Variants in SMC6 observed in about 807,000 individuals in gnomAD.
The protein encoded by SMC6 is structural maintenance of chromosomes protein 6.
In SMC6, 79 loss-of-function variants were observed where a neutral mutation model predicts 142.2. The observed-to-expected ratio is 0.56, with a 90% CI of 0.46 to 0.67. SMC6 has a LOEUF of 0.67. SMC6 is among the 30% of genes least tolerant of loss of function. The pLI is 0.00. For synonymous variants in SMC6, 411 were observed against 412.4 expected (o/e 1.00, Z 0.04); for missense variants, 1,072 against 1,284.0 (o/e 0.83, Z 2.52).
At position 17,731,113 on chromosome 2, in the gene SMC6, C is replaced by A; in HGVS notation, c.508G>T (p.Glu170Ter). 6.2e-7 allele frequency: 1 copy of A among 1,612,874 alleles called. No homozygotes were observed. Among genetic ancestry groups the A allele is most frequent in the Admixed American group, 1.7e-5 (1 of 59,794 alleles). ...TGSVVSTRKE[E>*]LIAILDHFNI... is the part of the protein sequence containing the mutation. ...AAATGATCAAGAATTGCAATCAGCT[C>A]TTCTTTCCTCGTGGAAACCACGGAG... Residue 170 changes from glutamate (E) to a stop codon, truncating the protein, a stop_gained, in exon 7 of 28, where the codon GAG becomes TAG. Coordinates refer to ENST00000448223, the MANE Select transcript of SMC6 (RefSeq NM_001142286.2). LOFTEE classifies it high-confidence loss of function.
At chr2:17,708,969 C>T (rs1295634501) in intron 16 of SMC6, among the ~76,000 whole-genome samples, 1 of 151,994 alleles carries the variant, frequency 6.6e-6, no homozygotes, top group Non-Finnish European at 1.5e-5. Flanking sequence ...ATACTATGTG[C>T]TAGGCACTGT....
At chr2:17,705,427 G>A (rs1386425689) in intron 18 of SMC6, among the ~76,000 whole-genome samples, 1 of 151,978 alleles carries the variant, frequency 6.6e-6, no homozygotes, top group Non-Finnish European at 1.5e-5. Flanking sequence ...CATTAGTTGG[G>A]CATGGTGGCA....
rs1668283843 is a variant in SMC6, at chr2:17,701,810, T to C, written c.2223+19A>G. 4 of 1,464,178 alleles carry C rather than the reference T, an allele frequency of 2.7e-6. No individual in the cohort carries two copies. Among genetic ancestry groups the C allele is most frequent in the African/African-American group, 1.4e-5 (1 of 70,192 alleles). The allele number at this position is 1,464,178 out of a possible 1,614,324, so 90.7% of individuals were successfully genotyped here. On this transcript the variant is annotated intron_variant, in intron 20 of 27. Transcript: ENST00000448223. Reference sequence around the variant, plus strand: ...TTTACCCTTTAATATTACATTTAAATTGAAAAAAAGTATTTTACCAAAGTT... The same window carrying C: ...TTTACCCTTTAATATTACATTTAAACTGAAAAAAAGTATTTTACCAAAGTT...
At chr2:17,732,314 A>G (rs1262790974) in intron 5 of SMC6, among the ~76,000 whole-genome samples, 1 of 152,248 alleles carries the variant, frequency 6.6e-6, no homozygotes, top group East Asian at 1.9e-4. Context: ...ATGGTAAAGT[A>G]GTTAACATTT....
intron 16 of SMC6, among the ~76,000 whole-genome samples, chr2:17,711,979 C>T (rs1668847986): frequency 1.3e-5 from 2 of 151,958 alleles, no homozygotes; most frequent in Admixed American, 6.6e-5. Flanking sequence ...GAAGTTATAA[C>T]AGACTATGAA....
Position 17,695,265 on chromosome 2 carries a change from T to G in SMC6, c.2565A>C (p.Pro855=), listed in dbSNP as rs1353515749. The change falls in exon 23 of 28, where the codon CCA becomes CCC. Residue 855 remains proline (P), a synonymous_variant. Coordinates refer to ENST00000448223, the MANE Select transcript of SMC6 (RefSeq NM_001142286.2). ...CAGATTTTTCTACTTCTATACGCTCTGGGCAGATTTGTCTTGCTTGTGACA... is the reference window on the plus strand; with the variant it reads ...CAGATTTTTCTACTTCTATACGCTCGGGGCAGATTTGTCTTGCTTGTGACA... ...EKMSQARQIC[P]ERIEVEKSAS... 1.9e-6 allele frequency: 3 copies of G among 1,613,240 alleles called. No individual in the cohort carries two copies. Among genetic ancestry groups the G allele is most frequent in the Non-Finnish European group, 2.5e-6 (3 of 1,179,772 alleles).
At chr2:17,720,777 C>A (rs1040892928) in intron 11 of SMC6, among the ~76,000 whole-genome samples, 163 bp downstream of exon 11, 1 of 152,164 alleles carries the variant, frequency 6.6e-6, no homozygotes, top group South Asian at 2.1e-4. Context: ...GTCACCACAA[C>A]AGGCCTTGAA....
intron 7 of SMC6, among the ~76,000 whole-genome samples, chr2:17,727,231 G>C (rs1472268370): frequency 6.6e-6 from 1 of 152,168 alleles, no homozygotes; most frequent in Non-Finnish European, 1.5e-5. Context: ...AGTGGGCTGG[G>C]AAAGGCAGAT....
At chr2:17,752,715 CT>C in intron 2 of SMC6, among the ~76,000 whole-genome samples, 1 of 152,322 alleles carries the variant, frequency 6.6e-6, no homozygotes, top group East Asian at 1.9e-4. Context: ...TGTTCCCTCT[CT>C]ACCCACACAC....
At chr2:17,725,617 G>C (rs955391491) in intron 8 of SMC6, among the ~76,000 whole-genome samples, 2 of 152,060 alleles carry the variant, frequency 1.3e-5, no homozygotes, top group Non-Finnish European at 2.9e-5. Context: ...TTCAGGGTGT[G>C]GTAATAAGCT....
At chr2:17,706,962 T>G (rs1469051477) in intron 18 of SMC6, among the ~76,000 whole-genome samples, 1 of 152,154 alleles carries the variant, frequency 6.6e-6, no homozygotes, top group East Asian at 1.9e-4. Context: ...TGAGGACAAG[T>G]AACAAATAGT....
At position 17,718,213 on chromosome 2, in the gene SMC6, T is replaced by A. The variant is rs770666623; in HGVS notation, c.956A>T (p.Asn319Ile). Residue 319 changes from asparagine to isoleucine, a missense_variant, in exon 12 of 28, where the codon AAT becomes ATT. Physicochemically the swap from Asn to Ile is moderately radical, Grantham distance 149. Transcript: ENST00000448223. ...RKMEEQQVRL[N>I]EAEQKYKDIQ... is the part of the protein sequence containing the mutation. ...ATCCTTGTACTTTTGTTCTGCCTCA[T>A]TAAGTCTGACCTTTAAGAAAATAAC... 3 of 1,598,584 alleles carry A rather than the reference T, an allele frequency of 1.9e-6. No individual in the cohort carries two copies. The highest frequency in any genetic ancestry group is 1.2e-5 in the South Asian group (1 of 86,644).
chr2:17,704,385 TAAG>T (rs1668406989), intron 18 of SMC6, among the ~76,000 whole-genome samples: 2 of 152,052 alleles, frequency 1.3e-5, no homozygotes, highest in Admixed American at 1.3e-4. Context: ...AGGACGACAA[TAAG>T]AAGATATGGA....
At chr2:17,751,299 G>A (rs1294609344) in intron 2 of SMC6, among the ~76,000 whole-genome samples, 1 of 151,842 alleles carries the variant, frequency 6.6e-6, no homozygotes, top group Non-Finnish European at 1.5e-5. Flanking sequence ...AGCCCAACGT[G>A]GTGAAACCCC....
At chr2:17,695,750 A>C (rs917368857) in intron 22 of SMC6, among the ~76,000 whole-genome samples, 2 of 152,210 alleles carry the variant, frequency 1.3e-5, no homozygotes, top group African/African-American at 4.8e-5. Flanking sequence ...TATTATTCTT[A>C]AACAAATGAG....
At chr2:17,680,168 T>A (rs1667176794) in intron 24 of SMC6, 1 of 152,236 alleles carries the variant, frequency 6.6e-6, no homozygotes, top group African/African-American at 2.4e-5. Context: ...TAAACAATTT[T>A]AAAAATTAGG....
At chr2:17,705,586 G>C (rs1019770936) in intron 18 of SMC6, among the ~76,000 whole-genome samples, 2 of 152,064 alleles carry the variant, frequency 1.3e-5, no homozygotes. Context: ...AAAAAAAATT[G>C]CCAAGTAAAC....
intron 9 of SMC6, among the ~76,000 whole-genome samples, chr2:17,723,225 C>G (rs1669459755): frequency 6.6e-6 from 1 of 152,180 alleles, no homozygotes; most frequent in South Asian, 2.1e-4. Context: ...TTAACTTAAG[C>G]CATCATCATC....
Position 17,720,980 on chromosome 2 carries a change from T to C in SMC6, c.905A>G (p.Asp302Gly), listed in dbSNP as rs1669338619. The C allele has an allele frequency of 6.2e-7, 1 of 1,613,732 alleles. No individual in the cohort carries two copies. Among genetic ancestry groups the C allele is most frequent in the East Asian group, 2.2e-5 (1 of 44,828 alleles). ...TTTCCTGTCAAGTCTAGCAGCACGA[T>C]CTTCTCCAATTTTGATATTATCTCT... ...AIRDNIKIGE[D>G]RAARLDRKME... The change falls in exon 11 of 28, where the codon GAT becomes GGT. Residue 302 changes from aspartate to glycine, a missense_variant. Physicochemically the swap from Asp to Gly is moderately conservative, Grantham distance 94. Transcript: ENST00000448223.
Sources: gnomAD v4.1 joint callset for allele counts (sites outside exome capture counted in the v4.1 genomes callset) on GRCh38, gnomAD v4.1.1 for gene constraint, MANE v1.5 for transcripts, NCBI Gene and HGNC (gene_info 2026-07-23, HGNC 2026-07-21) for gene names.